Variants in CBFA2T2 observed in about 807,000 individuals in gnomAD.
CBFA2T2 encodes the protein protein CBFA2T2.
CBFA2T2 carries 11 observed loss-of-function variants against 62.2 expected under a neutral mutation model. That is an observed-to-expected ratio of 0.18 (90% CI 0.11 to 0.29). The LOEUF (loss-of-function observed/expected upper bound fraction) is 0.29, where lower values mean the gene tolerates loss of function less well. Ranked by LOEUF, CBFA2T2 falls within the 10% of genes least tolerant of loss-of-function variation. The pLI is 1.00. For missense variants in CBFA2T2, 592 were observed against 774.1 expected, an observed-to-expected ratio of 0.76 and a Z score of 2.79; for synonymous variants, 295 against 287.5, an observed-to-expected ratio of 1.03 and a Z score of -0.27.
chr20:33,630,044 G>C, intron 8 of CBFA2T2, 130 bp downstream of exon 8: 1 of 800,270 alleles, frequency 1.2e-6, no homozygotes, highest in South Asian at 2.3e-5. Flanking sequence ...GGGAAACTCA[G>C]GTGATTATGA....
At chr20:33,636,258 CAAAAAAA>C (rs34178424) in intron 8 of CBFA2T2, among the ~76,000 whole-genome samples, 6 of 75,108 alleles carry the variant, frequency 8.0e-5, no homozygotes, top group East Asian at 1.0e-3. Context: ...GACTCCGTCT[CAAAAAAA>C]AAAAAAAAAA....
Position 33,645,188 on chromosome 20 carries a change from C to G in CBFA2T2, c.*542C>G, listed in dbSNP as rs117100824. The G allele has an allele frequency of 5.4e-3, 822 of 153,174 alleles. 4 individuals carry two copies. Among genetic ancestry groups the G allele is most frequent in the Non-Finnish European group, 8.8e-3 (607 of 68,646 alleles). The allele number at this position is 153,174 out of a possible 1,614,324, so 9.5% of individuals were successfully genotyped here. On this transcript the variant is annotated 3_prime_UTR_variant, in exon 11 of 11. Transcript: ENST00000342704. ...CAGGACTCTTCTCAACCCTGCTGTT[C>G]AGACTTGATAAGATCTCAGAGTCCA...
chr20:33,611,085 T>C lies in CBFA2T2; in HGVS notation c.179-9T>C. 6.2e-7 allele frequency: 1 copy of C among 1,613,028 alleles called. No individual in the cohort carries two copies. Among genetic ancestry groups the C allele is most frequent in the Non-Finnish European group, 8.5e-7 (1 of 1,179,046 alleles). The stretch of plus-strand genomic sequence containing the variant: ...GTAACCTGAGTCTTTCATTTTGGCT[T>C]TCTTTTAGTAAGCAATGGCATCAAC... On this transcript the variant is annotated splice_polypyrimidine_tract_variant and intron_variant, in intron 2 of 10. Coordinates refer to ENST00000342704, the MANE Select transcript of CBFA2T2 (RefSeq NM_001032999.3).
At chr20:33,502,893 A>G (rs1384710493) in intron 1 of CBFA2T2, among the ~76,000 whole-genome samples, 6 of 150,018 alleles carry the variant, frequency 4.0e-5, no homozygotes, top group African/African-American at 1.5e-4. Context: ...GATCGAGACC[A>G]TCCTGGCTAA....
rs34221024 is a variant in CBFA2T2 at position 33,598,689 on chromosome 20, A to G, written c.35-8267A>G. Among the ~76,000 whole-genome samples, 569 of 152,330 alleles carry G rather than the reference A, an allele frequency of 3.7e-3. 5 individuals carry two copies. The highest frequency in any genetic ancestry group is 3.5e-3 in the Non-Finnish European group (238 of 68,022). On this transcript the variant is annotated intron_variant, in intron 1 of 10. Transcript: ENST00000342704. ...TTAAGAGATTAAAGTAAAGACAGGC[A>G]TAGGAAATCACAAGAGTATTGATTG...
chr20:33,534,383 G>A (rs568416586), intron 1 of CBFA2T2, among the ~76,000 whole-genome samples: 4 of 152,190 alleles, frequency 2.6e-5, no homozygotes, highest in Admixed American at 2.6e-4. Context: ...ACAGTTGTGC[G>A]ATCCCAGCTC....
chr20:33,646,662 C>A lies in CBFA2T2; in HGVS notation c.*2016C>A, dbSNP rs914031664. The A allele has an allele frequency of 1.1e-4, 16 of 151,802 alleles. No individual in the cohort carries two copies. The highest frequency in any genetic ancestry group is 1.9e-4 in the Non-Finnish European group (13 of 67,960). The allele number at this position is 151,802 out of a possible 1,614,324, so 9.4% of individuals were successfully genotyped here. On this transcript the variant is annotated 3_prime_UTR_variant, in exon 11 of 11. Transcript: ENST00000342704. ...CTTGAGGTCAGGAATTCAAGACCAACCTGGCCAACATGGTGAAACCCTGTC... is the reference window on the plus strand; with the variant it reads ...CTTGAGGTCAGGAATTCAAGACCAAACTGGCCAACATGGTGAAACCCTGTC...
At chr20:33,497,949 C>G (rs1162825257) in intron 1 of CBFA2T2, among the ~76,000 whole-genome samples, 1 of 152,116 alleles carries the variant, frequency 6.6e-6, no homozygotes, top group Non-Finnish European at 1.5e-5. Context: ...TCCCAAAATG[C>G]TAGGATTGCA....
intron 1 of CBFA2T2, among the ~76,000 whole-genome samples, chr20:33,505,401 A>G (rs1386315235): frequency 6.6e-6 from 1 of 152,216 alleles, no homozygotes; most frequent in Non-Finnish European, 1.5e-5. Context: ...ATGTTACCTC[A>G]TGATTAATTT....
intron 1 of CBFA2T2, among the ~76,000 whole-genome samples, chr20:33,514,214 T>TG (rs1453509817): frequency 4.7e-5 from 6 of 127,526 alleles, no homozygotes; most frequent in African/African-American, 1.8e-4. Flanking sequence ...TTGTTTTTTT[T>TG]TTTTTTTTTT....
In CBFA2T2 at chr20:33,546,680, T is replaced by A. The variant is rs556331197; in HGVS notation, c.34+56379T>A. On this transcript the variant is annotated intron_variant, in intron 1 of 10. Transcript: ENST00000342704. ...TAGAGATTTATTTTTTGTATTTTTT[T>A]ATAGAGGTCTCCCTCTGTTTCCCAG... 3.3e-5 allele frequency among the ~76,000 whole-genome samples: 5 copies of A among 151,968 alleles called. No homozygotes were observed. The South Asian group carries it at 1.0e-3, about 32-fold the overall frequency.
intron 1 of CBFA2T2, among the ~76,000 whole-genome samples, chr20:33,512,353 CA>C (rs955096102): frequency 6.6e-6 from 1 of 150,656 alleles, no homozygotes; most frequent in South Asian, 2.1e-4. Context: ...TCCCTCTCAA[CA>C]AAAAAAAAGT....
chr20:33,575,990 T>C (rs917740506), intron 1 of CBFA2T2, among the ~76,000 whole-genome samples: 26 of 151,898 alleles, frequency 1.7e-4, no homozygotes, highest in African/African-American at 6.3e-4. Flanking sequence ...GGTTTCACCA[T>C]GTTAGCCAGG....
intron 1 of CBFA2T2, among the ~76,000 whole-genome samples, chr20:33,545,851 A>C (rs1011387351): frequency 6.6e-6 from 1 of 152,268 alleles, no homozygotes; most frequent in African/African-American, 2.4e-5. Flanking sequence ...CTTTTGAACA[A>C]ATATCCAGTG....
chr20:33,535,273 C>T (rs1420274446), intron 1 of CBFA2T2, among the ~76,000 whole-genome samples: 1 of 152,116 alleles, frequency 6.6e-6, no homozygotes, highest in East Asian at 1.9e-4. Flanking sequence ...GAGCTTTTTA[C>T]AAATTTGAGT....
intron 1 of CBFA2T2, among the ~76,000 whole-genome samples, chr20:33,542,553 C>T (rs1435299508): frequency 6.6e-6 from 1 of 151,974 alleles, no homozygotes; most frequent in East Asian, 1.9e-4. Flanking sequence ...TGGACATATG[C>T]ATTTGAGTTT....
chr20:33,604,969 A>T (rs530833339), intron 1 of CBFA2T2, among the ~76,000 whole-genome samples: 7 of 152,350 alleles, frequency 4.6e-5, no homozygotes, highest in Admixed American at 3.9e-4. Flanking sequence ...GACGACCATC[A>T]ATTTCACAAA....
At chr20:33,620,904 A>T (rs1209309727) in intron 4 of CBFA2T2, among the ~76,000 whole-genome samples, 5 of 152,258 alleles carry the variant, frequency 3.3e-5, no homozygotes, top group African/African-American at 9.6e-5. Flanking sequence ...AGTAACATTC[A>T]TACAACACTG....
intron 9 of CBFA2T2, 46 bp from the exon 10 acceptor site, chr20:33,640,295 G>C: frequency 1.3e-6 from 2 of 1,565,304 alleles, no homozygotes; most frequent in Non-Finnish European, 1.7e-6. Context: ...GGGATGGGAG[G>C]GAAAAGATTT....
Sources: gnomAD v4.1 joint callset for allele counts (sites outside exome capture counted in the v4.1 genomes callset) on GRCh38, gnomAD v4.1.1 for gene constraint, MANE v1.5 for transcripts, NCBI Gene and HGNC (gene_info 2026-07-23, HGNC 2026-07-21) for gene names.